CACNB2: variants seen among roughly 807,000 people sequenced by gnomAD.
The protein encoded by CACNB2 is calcium voltage-gated channel auxiliary subunit beta 2, also known as voltage-dependent L-type calcium channel subunit beta-2.
A neutral mutation model predicts 73.3 loss-of-function variants in CACNB2; 42 were observed. That is an observed-to-expected ratio of 0.57 (90% CI 0.45 to 0.74). CACNB2 has a LOEUF of 0.74. CACNB2 is among the 30% of genes least tolerant of loss of function. The pLI is 0.00. For missense variants in CACNB2, 940 were observed against 853.0 expected, an observed-to-expected ratio of 1.10 and a Z score of -1.27; for synonymous variants, 348 against 310.3, an observed-to-expected ratio of 1.12 and a Z score of -1.28.
chr10:18,516,547 C>T (rs1413553576), intron 7 of CACNB2, among the ~76,000 whole-genome samples: 1 of 152,242 alleles, frequency 6.6e-6, no homozygotes, highest in African/African-American at 2.4e-5. Context: ...GTTCTTACAC[C>T]GCATAGTTAT....
rs865848155 is a variant in CACNB2 at position 18,539,231 on chromosome 10, G to T, written c.1490G>T (p.Gly497Val). The T allele has an allele frequency of 1.9e-6, 3 of 1,613,984 alleles. No homozygotes were observed. Among genetic ancestry groups the T allele is most frequent in the South Asian group, 1.1e-5 (1 of 91,066 alleles). The change falls in exon 14 of 14, where the codon GGT (glycine) becomes GTT (valine). Residue 497 changes from glycine to valine, a missense_variant and splice_region_variant. Transcript: ENST00000324631. ...CTGGTGTGCTCCTTTCGCTGCCAGG[G>T]TTCTCAAGGTGATCAGAGGACTGAT... The part of the protein sequence containing the change: ...LSPTLASNSQ[G>V]SQGDQRTDRS...
intron 2 of CACNB2, among the ~76,000 whole-genome samples, chr10:18,268,383 G>T (rs2037903938): frequency 6.6e-6 from 1 of 152,120 alleles, no homozygotes; most frequent in African/African-American, 2.4e-5. Context: ...AGGATTATCT[G>T]ACAATAGGAA....
At chr10:18,239,887 G>A (rs546436099) in intron 2 of CACNB2, among the ~76,000 whole-genome samples, 36 of 152,144 alleles carry the variant, frequency 2.4e-4, no homozygotes, top group African/African-American at 8.7e-4. Context: ...TGAAATCCAA[G>A]TCCTGGAATT....
chr10:18,516,577 G>A (rs10508562), intron 7 of CACNB2, among the ~76,000 whole-genome samples: 30,784 of 152,152 alleles, frequency 0.2, 3,405 homozygotes, highest in South Asian at 0.27. Context: ...GCTTCTAAAC[G>A]TTTTCAGTAT....
At chr10:18,229,150 A>G (rs1269560818) in intron 2 of CACNB2, among the ~76,000 whole-genome samples, 1 of 152,248 alleles carries the variant, frequency 6.6e-6, no homozygotes, top group Non-Finnish European at 1.5e-5. Context: ...GTAAGTAATG[A>G]TAGTGTAATT....
At chr10:18,176,812 G>A (rs866592611) in intron 2 of CACNB2, among the ~76,000 whole-genome samples, 36 of 151,968 alleles carry the variant, frequency 2.4e-4, no homozygotes, top group African/African-American at 8.2e-4. Context: ...TGGTTCAGTT[G>A]AAGAGGTGAA....
chr10:18,170,130 G>A (rs915234140), intron 2 of CACNB2, among the ~76,000 whole-genome samples: 2 of 152,224 alleles, frequency 1.3e-5, no homozygotes, highest in African/African-American at 4.8e-5. Flanking sequence ...GTGACCCACT[G>A]ATGGGCCTGG....
At chr10:18,453,052 G>C (rs1022066479) in intron 3 of CACNB2, among the ~76,000 whole-genome samples, 10 of 152,284 alleles carry the variant, frequency 6.6e-5, no homozygotes, top group African/African-American at 2.2e-4. Context: ...CCCCTGCTCA[G>C]ATGATCTGTA....
At chr10:18,282,675 T>A (rs1310129245) in intron 2 of CACNB2, among the ~76,000 whole-genome samples, 3 of 152,226 alleles carry the variant, frequency 2.0e-5, no homozygotes, top group African/African-American at 4.8e-5. Context: ...TTATATTGAC[T>A]GGACAAGGAG....
chr10:18,270,503 A>C (rs778706240), intron 2 of CACNB2, among the ~76,000 whole-genome samples: 9 of 151,956 alleles, frequency 5.9e-5, no homozygotes, highest in Non-Finnish European at 1.3e-4. Context: ...TAAAGCCCCC[A>C]GTTGGTTCCC....
Position 18,543,450 on chromosome 10 carries a change from G to A in CACNB2, c.*3726G>A, listed in dbSNP as rs950850904. The A allele has an allele frequency of 2.0e-5, 3 of 152,158 alleles. No homozygotes were observed. Among genetic ancestry groups the A allele is most frequent in the Non-Finnish European group, 4.4e-5 (3 of 68,006 alleles). 9.4% of individuals were successfully genotyped at this position (152,158 alleles called of 1,614,324 possible). On this transcript the variant is annotated 3_prime_UTR_variant, in exon 14 of 14. Coordinates refer to ENST00000324631, the MANE Select transcript of CACNB2 (RefSeq NM_201596.3). ...TACTTTGCTTCATTATTTAAAACAT[G>A]ACACAGGGTTTTAAAGTAAATGTAC... is the stretch of plus-strand genomic sequence containing the variant.
intron 2 of CACNB2, among the ~76,000 whole-genome samples, chr10:18,273,434 T>A (rs1564395117): frequency 6.7e-6 from 1 of 148,898 alleles, no homozygotes; most frequent in Non-Finnish European, 1.5e-5. Flanking sequence ...AAAAACCGCA[T>A]TTTTTTTTTG....
chr10:18,407,255 G>A (rs1365067456), intron 3 of CACNB2, among the ~76,000 whole-genome samples: 1 of 150,456 alleles, frequency 6.6e-6, no homozygotes, highest in African/African-American at 2.4e-5. Context: ...CTGAGTAGCT[G>A]GCATTACAGG....
chr10:18,338,446 C>G (rs554967446), intron 2 of CACNB2, among the ~76,000 whole-genome samples: 5 of 152,228 alleles, frequency 3.3e-5, no homozygotes, highest in Non-Finnish European at 7.4e-5. Flanking sequence ...AAAGGGAACC[C>G]TTGTACACAT....
chr10:18,397,294 G>A (rs1181740115), intron 2 of CACNB2, among the ~76,000 whole-genome samples: 2 of 23,662 alleles, frequency 8.5e-5, no homozygotes, highest in Admixed American at 3.2e-4. Flanking sequence ...TGGCAAAACC[G>A]TCTCTACTGA....
chr10:18,207,268 C>G (rs1448998903), intron 2 of CACNB2, among the ~76,000 whole-genome samples: 1 of 152,124 alleles, frequency 6.6e-6, no homozygotes, highest in African/African-American at 2.4e-5. Context: ...CTCTGCCTCC[C>G]AAAATGCTGG....
chr10:18,404,997 G>A (rs1000855402), intron 3 of CACNB2, among the ~76,000 whole-genome samples: 1 of 152,150 alleles, frequency 6.6e-6, no homozygotes, highest in African/African-American at 2.4e-5. Context: ...ATGTTGTACA[G>A]TTATGGCATA....
chr10:18,238,920 A>G (rs1160753475), intron 2 of CACNB2, among the ~76,000 whole-genome samples: 1 of 152,254 alleles, frequency 6.6e-6, no homozygotes, highest in African/African-American at 2.4e-5. Flanking sequence ...CTAAACTCCT[A>G]CAATTGTGAA....
At chr10:18,441,899 G>C (rs976723099) in intron 3 of CACNB2, among the ~76,000 whole-genome samples, 2 of 152,188 alleles carry the variant, frequency 1.3e-5, no homozygotes, top group Admixed American at 6.5e-5. Context: ...GGGATTACAG[G>C]CGTTAGTCAC....
Sources: allele counts gnomAD v4.1 joint callset (sites outside exome capture counted in the v4.1 genomes callset), GRCh38; gene constraint gnomAD v4.1.1; transcripts MANE v1.5; gene names NCBI Gene and HGNC (gene_info 2026-07-23, HGNC 2026-07-21).